The following SLC38A10 variants were observed in gnomAD, a reference collection of about 807,000 sequenced individuals.
The protein encoded by SLC38A10 is solute carrier family 38 member 10.
Under a neutral mutation model 81.0 loss-of-function variants are expected in SLC38A10, and 53 were observed. The ratio of observed to expected loss-of-function variants is 0.65; its 90% CI spans 0.53 to 0.82. SLC38A10 has a LOEUF of 0.82. SLC38A10 is among the 40% of genes least tolerant of loss of function. The pLI is 0.00. For missense variants in SLC38A10, 1,471 were observed against 1,545.0 expected, an observed-to-expected ratio of 0.95 and a Z score of 0.80; for synonymous variants, 665 against 655.3, an observed-to-expected ratio of 1.01 and a Z score of -0.23.
intron 11 of SLC38A10, among the ~76,000 whole-genome samples, chr17:81,255,292 T>C (rs1291001264): frequency 6.6e-6 from 1 of 152,276 alleles, no homozygotes; most frequent in Non-Finnish European, 1.5e-5. Context: ...TCTGCAGCTG[T>C]CTGCGGGCAA....
chr17:81,256,037 C>T (rs1024180359), intron 11 of SLC38A10, among the ~76,000 whole-genome samples: 2 of 152,238 alleles, frequency 1.3e-5, no homozygotes, highest in Admixed American at 6.5e-5. Flanking sequence ...ATCATTGGCA[C>T]GTGGTGCCAG....
At chr17:81,267,957 T>C (rs1490529067) in intron 10 of SLC38A10, among the ~76,000 whole-genome samples, 2 of 145,878 alleles carry the variant, frequency 1.4e-5, no homozygotes, top group Admixed American at 1.4e-4. Flanking sequence ...GAAGCAAGAA[T>C]GAGGGCGCTC....
rs2062921108 is a variant in SLC38A10, at chr17:81,252,125, G to T, written c.1945+70C>A. ...GACTGAGGGAGGAACCATCGATTCT[G>T]CTGCCCCTGCCCAGCCTCCCCAGCC... On this transcript the variant is annotated intron_variant, in intron 13 of 15. Coordinates refer to ENST00000374759, the MANE Select transcript of SLC38A10 (RefSeq NM_001037984.3). 8 of 1,482,564 alleles carry T rather than the reference G, an allele frequency of 5.4e-6. No individual in the cohort carries two copies. In the South Asian group the frequency reaches 1.1e-4, roughly 20 times the overall value. The allele number at this position is 1,482,564 out of a possible 1,614,324, so 91.8% of individuals were successfully genotyped here.
rs766521033 is a variant in SLC38A10 at position 81,251,494 on chromosome 17, C to T, written c.2064G>A (p.Glu688=). 4.4e-6 allele frequency: 7 copies of T among 1,601,178 alleles called. No individual in the cohort carries two copies. Among genetic ancestry groups the T allele is most frequent in the Admixed American group, 1.7e-5 (1 of 57,904 alleles). ...AGGNQAASQL[E]EAGRAEMLDH... Reference sequence around the variant, plus strand: ...GCGGCTGTAGGGCGGAGGCCTTACCCTCCAGCTGGCTGGCCGCCTGGTTTC... The same window carrying T: ...GCGGCTGTAGGGCGGAGGCCTTACCTTCCAGCTGGCTGGCCGCCTGGTTTC... The change falls in exon 14 of 16, where the codon GAG becomes GAA. Residue 688 remains glutamate, a splice_region_variant and synonymous_variant. Transcript: ENST00000374759.
rs900621282 is a variant in SLC38A10, at chr17:81,277,310, G to A, written c.627-177C>T. ...CAGGACTTGGTGTTGCTGAGGACAGGAGCGTTGCAGCAGCCCCCACTCAGG... is the reference window on the plus strand; with the variant it reads ...CAGGACTTGGTGTTGCTGAGGACAGAAGCGTTGCAGCAGCCCCCACTCAGG... On this transcript the variant is annotated intron_variant, in intron 6 of 15. Transcript: ENST00000374759. The surrounding 1 kb of genome is among the most constrained non-coding windows in gnomAD (Gnocchi z 4.5). Among the ~76,000 whole-genome samples, 3 of 152,206 alleles carry A rather than the reference G, an allele frequency of 2.0e-5. No individual in the cohort carries two copies. Among genetic ancestry groups the A allele is most frequent in the Non-Finnish European group, 4.4e-5 (3 of 68,032 alleles).
intron 14 of SLC38A10, chr17:81,247,373 G>T: frequency 3.6e-6 from 1 of 277,450 alleles, no homozygotes. Context: ...GGCGCACCCG[G>T]CAGGACCCCA....
At chr17:81,254,884 G>A (rs959795566) in intron 11 of SLC38A10, among the ~76,000 whole-genome samples, 3 of 152,234 alleles carry the variant, frequency 2.0e-5, no homozygotes, top group Non-Finnish European at 2.9e-5. Context: ...CCTGTCCAAT[G>A]GATTACTAAG....
intron 2 of SLC38A10, among the ~76,000 whole-genome samples, chr17:81,287,745 C>T (rs2063279521): frequency 6.6e-6 from 1 of 152,226 alleles, no homozygotes; most frequent in Admixed American, 6.5e-5. Flanking sequence ...CACATGTAGC[C>T]AAACTGGTTT....
intron 1 of SLC38A10, among the ~76,000 whole-genome samples, chr17:81,293,087 C>G (rs2063322812): frequency 6.6e-6 from 1 of 152,240 alleles, no homozygotes; most frequent in Admixed American, 6.5e-5. Context: ...CACTCGAACC[C>G]TGGAGGCAGA....
intron 11 of SLC38A10, among the ~76,000 whole-genome samples, chr17:81,255,041 C>T (rs1274027152): frequency 6.6e-6 from 1 of 152,276 alleles, no homozygotes; most frequent in Non-Finnish European, 1.5e-5. Context: ...CAGTCTGGGG[C>T]TCCAGGGGGA....
chr17:81,285,309 C>A, intron 2 of SLC38A10: 1 of 168,200 alleles, frequency 5.9e-6, no homozygotes. Context: ...CCCAGGTACC[C>A]GAGCGCCACA....
chr17:81,276,884 C>A lies in SLC38A10; in HGVS notation c.729+147G>T, dbSNP rs957081814. 1.6e-5 allele frequency: 12 copies of A among 735,096 alleles called. No individual in the cohort carries two copies. The highest frequency in any genetic ancestry group is 2.5e-5 in the Non-Finnish European group (11 of 438,008). The allele number at this position is 735,096 out of a possible 1,614,324, so 45.5% of individuals were successfully genotyped here. A position where few individuals can be genotyped will look rare whatever the true frequency, so the allele number is the denominator to read the frequency against. Reference sequence around the variant, plus strand: ...CTGATGGAGCTGCCCCAGGTCCCCGCGCAGCCTCCAGACACTGGGATGGGA... The same window carrying A: ...CTGATGGAGCTGCCCCAGGTCCCCGAGCAGCCTCCAGACACTGGGATGGGA... On this transcript the variant is annotated intron_variant, in intron 7 of 15. Coordinates refer to ENST00000374759, the MANE Select transcript of SLC38A10 (RefSeq NM_001037984.3). The surrounding 1 kb of genome is among the most constrained non-coding windows in gnomAD (Gnocchi z 4.7).
Position 81,252,539 on chromosome 17 carries a change from A to AC in SLC38A10, c.1600dup (p.Val534GlyfsTer39). The AC allele has an allele frequency of 6.2e-7, 1 of 1,613,008 alleles. No homozygotes were observed. Among genetic ancestry groups the AC allele is most frequent in the Non-Finnish European group, 8.5e-7 (1 of 1,179,958 alleles). The stretch of plus-strand genomic sequence containing the variant: ...CAGAGGCGGCGCCATCTGGCCCTGG[A>AC]CCCCTGGAGCCTTTCCGCCCGCGTG... On this transcript the variant is annotated frameshift_variant, in exon 13 of 16. Transcript: ENST00000374759. LOFTEE classifies it high-confidence loss of function.
intron 1 of SLC38A10, among the ~76,000 whole-genome samples, chr17:81,291,972 G>A (rs1567951388): frequency 1.3e-5 from 2 of 152,156 alleles, no homozygotes; most frequent in South Asian, 4.1e-4. Context: ...TCCTTAATTT[G>A]GGAGCTAGTC....
rs1421412625 is a variant in SLC38A10, at chr17:81,270,745, C to T, written c.1131+173G>A. Among the ~76,000 whole-genome samples the T allele has an allele frequency of 6.6e-6, 1 of 152,186 alleles. No individual in the cohort carries two copies. Among genetic ancestry groups the T allele is most frequent in the Admixed American group, 6.5e-5 (1 of 15,288 alleles). ...GCCCTGCTGGGCAAAGACCGTGCGT[C>T]CTGGTGAACCCAGGGTTCCCCAGGC... On this transcript the variant is annotated intron_variant, in intron 10 of 15. Coordinates refer to ENST00000374759, the MANE Select transcript of SLC38A10 (RefSeq NM_001037984.3). This position sits in a 1 kb window ranked among gnomAD's most constrained non-coding sequence, Gnocchi z 4.0.
intron 8 of SLC38A10, among the ~76,000 whole-genome samples, chr17:81,274,743 G>A (rs2146932031): frequency 6.6e-6 from 1 of 152,054 alleles, no homozygotes; most frequent in Non-Finnish European, 1.5e-5. Context: ...CCCACGCTCG[G>A]GGCGAAAGAC....
rs761780917 is a variant in SLC38A10, at chr17:81,246,047, G to T, written c.2869C>A (p.Arg957Ser). The change falls in exon 16 of 16, where the codon CGC becomes AGC. Residue 957 changes from arginine (R) to serine (S), a missense_variant. Coordinates refer to ENST00000374759, the MANE Select transcript of SLC38A10 (RefSeq NM_001037984.3). ...GAAAQPQAVL[R>S]QPELRVISDG... ...GAGATGACCCGCAGTTCCGGCTGGC[G>T]TAACACAGCCTGGGGCTGTGCAGCT... The T allele has an allele frequency of 1.2e-6, 2 of 1,609,994 alleles. No individual in the cohort carries two copies. Among genetic ancestry groups the T allele is most frequent in the Non-Finnish European group, 1.7e-6 (2 of 1,179,586 alleles).
At chr17:81,285,959 C>G (rs2063263116) in intron 2 of SLC38A10, among the ~76,000 whole-genome samples, 1 of 152,208 alleles carries the variant, frequency 6.6e-6, no homozygotes, top group Non-Finnish European at 1.5e-5. Context: ...CTTTCCTGGA[C>G]CTGCCTATGG....
At chr17:81,252,995 C>T in intron 12 of SLC38A10, 78 bp downstream of exon 12, 2 of 1,545,944 alleles carry the variant, frequency 1.3e-6, no homozygotes, top group African/African-American at 1.4e-5. Context: ...CTGAGAGCCA[C>T]CCCGCAGGGT....
Sources: allele counts gnomAD v4.1 joint callset (sites outside exome capture counted in the v4.1 genomes callset), GRCh38; gene constraint gnomAD v4.1.1; non-coding constraint Gnocchi (gnomAD v3.1); transcripts MANE v1.5; gene names NCBI Gene and HGNC (gene_info 2026-07-23, HGNC 2026-07-21).